Variants in CECR2 observed in about 807,000 individuals in gnomAD.
CECR2 encodes CECR2 histone acetyl-lysine reader, also known as chromatin remodeling regulator CECR2.
Under a neutral mutation model 154.5 loss-of-function variants are expected in CECR2, and 30 were observed. That is an observed-to-expected ratio of 0.19 (90% CI 0.15 to 0.26). The LOEUF is 0.26. Among genes scored for constraint, CECR2 ranks in the 10% least tolerant of loss-of-function variants. The pLI is 1.00. For synonymous variants in CECR2, 725 were observed against 683.7 expected (o/e 1.06, Z -0.94); for missense variants, 1,743 against 1,829.3 (o/e 0.95, Z 0.86).
intron 18 of CECR2, 62 bp from the exon 19 acceptor site, chr22:17,552,773 A>ATTTTTTTTTTTTTTTTTTTTTT: frequency 2.5e-6 from 1 of 395,764 alleles, no homozygotes; most frequent in Non-Finnish European, 3.8e-6. Context: ...GGCTTACTTA[A>ATTTTTTTTTTTTTTTTTTTTTT]GTTTTTTTTT....
At chr22:17,522,033 G>C (rs1002862686) in intron 8 of CECR2, among the ~76,000 whole-genome samples, 1 of 152,096 alleles carries the variant, frequency 6.6e-6, no homozygotes, top group African/African-American at 2.4e-5. Flanking sequence ...ACTGGTTTTT[G>C]TCAGGTTTGT....
chr22:17,505,296 A>G (rs963618266), intron 7 of CECR2, among the ~76,000 whole-genome samples: 9 of 150,984 alleles, frequency 6.0e-5, no homozygotes, highest in African/African-American at 2.2e-4. Context: ...TCCTTCTCCC[A>G]TACACTCCTC....
intron 1 of CECR2, among the ~76,000 whole-genome samples, chr22:17,476,676 T>C (rs1296365910): frequency 2.0e-5 from 3 of 152,220 alleles, no homozygotes; most frequent in African/African-American, 7.2e-5. Flanking sequence ...TGGGGATTAC[T>C]GATCTGGTTA....
intron 4 of CECR2, 100 bp from the exon 5 acceptor site, chr22:17,500,531 A>T (rs1303826844): frequency 1.2e-6 from 1 of 844,100 alleles, no homozygotes; most frequent in East Asian, 2.7e-5. Context: ...GCTACATTTA[A>T]TCCTTTTTGG....
chr22:17,513,693 C>T (rs2056000880), intron 8 of CECR2, among the ~76,000 whole-genome samples: 1 of 152,160 alleles, frequency 6.6e-6, no homozygotes, highest in Non-Finnish European at 1.5e-5. Flanking sequence ...TGGTATTCAG[C>T]CATGTTCTCA....
chr22:17,370,149 C>T (rs1234085277), intron 1 of CECR2, among the ~76,000 whole-genome samples: 6 of 150,498 alleles, frequency 4.0e-5, no homozygotes, highest in Admixed American at 2.6e-4. Flanking sequence ...GCAGGCACCG[C>T]GAGGGCGGGG....
At position 17,422,952 on chromosome 22, in the gene CECR2, G is replaced by A. The variant is rs117214687; in HGVS notation, c.126+53043G>A. 3.2e-4 allele frequency among the ~76,000 whole-genome samples: 48 copies of A among 152,226 alleles called. No homozygotes were observed. The East Asian group carries it at 8.9e-3, about 28-fold the overall frequency. The stretch of plus-strand genomic sequence containing the variant: ...CCATTAGAGTCCTTCACATTAATCA[G>A]AGTTGGTTTCAATTTCCTGCCTCAT... On this transcript the variant is annotated intron_variant, in intron 1 of 18. Transcript: ENST00000262608.
At chr22:17,368,156 A>G (rs1478605565), upstream of CECR2, among the ~76,000 whole-genome samples, 1 of 142,426 alleles carries the variant, frequency 7.0e-6, no homozygotes, top group Non-Finnish European at 1.5e-5. Context: ...AAAAAATACA[A>G]CAAGTTATTA....
chr22:17,541,593 G>C (rs931759054), intron 14 of CECR2, among the ~76,000 whole-genome samples: 2 of 152,206 alleles, frequency 1.3e-5, no homozygotes, highest in African/African-American at 4.8e-5. Flanking sequence ...GGGAGGAGGA[G>C]TAATAAAAAA....
At chr22:17,368,548 T>C (rs2063016668), upstream of CECR2, among the ~76,000 whole-genome samples, 1 of 152,202 alleles carries the variant, frequency 6.6e-6, no homozygotes, top group Admixed American at 6.5e-5. Flanking sequence ...GCAGTTAGCA[T>C]TTCTAAAGCA....
At chr22:17,436,956 G>C (rs2054515501) in intron 1 of CECR2, among the ~76,000 whole-genome samples, 2 of 152,210 alleles carry the variant, frequency 1.3e-5, no homozygotes, top group South Asian at 4.1e-4. Context: ...TAATATGAGA[G>C]CAGCACTTTC....
At chr22:17,430,172 T>C (rs908394720) in intron 1 of CECR2, among the ~76,000 whole-genome samples, 1 of 152,222 alleles carries the variant, frequency 6.6e-6, no homozygotes. Flanking sequence ...GCTGCTGTTA[T>C]CATTTTATCT....
rs541534030 is a variant in CECR2, at chr22:17,488,310, A to G, written c.222-9093A>G. Among the ~76,000 whole-genome samples, 6 of 152,354 alleles carry G rather than the reference A, an allele frequency of 3.9e-5. No homozygotes were observed. The South Asian group carries it at 8.3e-4, about 21-fold the overall frequency. ...ATCTGTCATCTTTTTGGAAATGACA[A>G]TACTTCTGTTAAGTACGTTCATCGT... On this transcript the variant is annotated intron_variant, in intron 2 of 18. Transcript: ENST00000262608.
chr22:17,549,248 ACTC>A lies in CECR2; in HGVS notation c.3966_3968del (p.Pro1324del). 1 of 1,613,688 alleles carries A rather than the reference ACTC, an allele frequency of 6.2e-7. No individual in the cohort carries two copies. On this transcript the variant is annotated inframe_deletion, in exon 17 of 19. Transcript: ENST00000262608. ...GTCAGCCAGCGAGTATCTCTATGGA[ACTC>A]CTCCGCCTCTGAGTTCAGGAATGGG... is the stretch of plus-strand genomic sequence containing the variant.
rs1370633661 is a variant in CECR2 at position 17,557,117 on chromosome 22, T to C, written c.*4277T>C. 6.6e-6 allele frequency: 1 copy of C among 151,880 alleles called. No individual in the cohort carries two copies. Among genetic ancestry groups the C allele is most frequent in the African/African-American group, 2.4e-5 (1 of 41,304 alleles). The allele number at this position is 151,880 out of a possible 1,614,324, so 9.4% of individuals were successfully genotyped here. ...CTTGGGACAGTAGTGTTTGGGTGAA[T>C]GTTACTGCATCCCGTTTTTTTTCTT... On this transcript the variant is annotated 3_prime_UTR_variant, in exon 19 of 19. Transcript: ENST00000262608.
intron 1 of CECR2, among the ~76,000 whole-genome samples, chr22:17,476,535 A>G (rs1343938850): frequency 6.6e-6 from 1 of 152,094 alleles, no homozygotes; most frequent in Non-Finnish European, 1.5e-5. Flanking sequence ...TATTATTTCT[A>G]TATAAGAAGG....
At chr22:17,443,707 G>A (rs777274717) in intron 1 of CECR2, among the ~76,000 whole-genome samples, 3 of 152,044 alleles carry the variant, frequency 2.0e-5, no homozygotes, top group Non-Finnish European at 2.9e-5. Flanking sequence ...AGCGACTTCC[G>A]GGTGACTCCC....
intron 5 of CECR2, 140 bp from the exon 6 acceptor site, chr22:17,502,942 G>A (rs771229207): frequency 3.0e-5 from 20 of 656,116 alleles, no homozygotes; most frequent in South Asian, 1.1e-4. Flanking sequence ...TCAGCGTTCC[G>A]CCTCCAAGCC....
chr22:17,394,221 T>TTTTA (rs2053774124), intron 1 of CECR2, among the ~76,000 whole-genome samples: 1 of 147,568 alleles, frequency 6.8e-6, no homozygotes, highest in Non-Finnish European at 1.5e-5. Context: ...TTTTTTTTTT[T>TTTTA]TTAAGACGGT....
Sources: gnomAD v4.1 joint callset for allele counts (sites outside exome capture counted in the v4.1 genomes callset) on GRCh38, gnomAD v4.1.1 for gene constraint, MANE v1.5 for transcripts, NCBI Gene and HGNC (gene_info 2026-07-23, HGNC 2026-07-21) for gene names.